Variants in GABRB2 observed in about 807,000 individuals in gnomAD.
The protein encoded by GABRB2 is gamma-aminobutyric acid receptor subunit beta-2.
In GABRB2, 16 loss-of-function variants were observed where a neutral mutation model predicts 54.7. That is an observed-to-expected ratio of 0.29 (90% CI 0.20 to 0.44). The LOEUF is 0.44. GABRB2 is among the 20% of genes least tolerant of loss of function. The pLI, the probability that GABRB2 is intolerant of heterozygous loss-of-function variation, is 1.00. For synonymous variants in GABRB2, 244 were observed against 233.8 expected, an observed-to-expected ratio of 1.04 and a Z score of -0.40; for missense variants, 355 against 644.0, an observed-to-expected ratio of 0.55 and a Z score of 4.86.
chr5:161,429,229 C>T (rs1327790726), intron 4 of GABRB2, among the ~76,000 whole-genome samples: 1 of 150,600 alleles, frequency 6.6e-6, no homozygotes, highest in Non-Finnish European at 1.5e-5. Context: ...CACCTGTAAT[C>T]CCATCTACTT....
At chr5:161,524,065 T>C (rs182863250) in intron 3 of GABRB2, among the ~76,000 whole-genome samples, 2 of 151,532 alleles carry the variant, frequency 1.3e-5, no homozygotes, top group Admixed American at 6.6e-5. Context: ...TTGGTTAGAA[T>C]AGTCAGAAAA....
In GABRB2 at chr5:161,371,246, C is replaced by T. The variant is rs117647717; in HGVS notation, c.542-34477G>A. The stretch of plus-strand genomic sequence containing the variant: ...TCTTGAAAATATACTTTTAGAAAGA[C>T]CTCAAAGTTAAAAGACAGGAAAAAT... On this transcript the variant is annotated intron_variant, in intron 5 of 9. Transcript: ENST00000393959. Among the ~76,000 whole-genome samples the T allele has an allele frequency of 4.4e-4, 66 of 148,556 alleles. No homozygotes were observed. In the East Asian group the frequency reaches 7.9e-3, roughly 18 times the overall value.
chr5:161,512,850 T>A (rs1376627727), intron 3 of GABRB2, among the ~76,000 whole-genome samples: 1 of 151,728 alleles, frequency 6.6e-6, no homozygotes, highest in Admixed American at 6.6e-5. Context: ...TACAAGGAAT[T>A]CATATGATTA....
intron 4 of GABRB2, among the ~76,000 whole-genome samples, chr5:161,435,475 G>A (rs1305041321): frequency 1.3e-5 from 2 of 152,114 alleles, no homozygotes; most frequent in East Asian, 1.9e-4. Flanking sequence ...TGTTAGTGAT[G>A]AGTATTTCTA....
At chr5:161,497,398 G>C (rs969551429) in intron 3 of GABRB2, among the ~76,000 whole-genome samples, 1 of 152,036 alleles carries the variant, frequency 6.6e-6, no homozygotes, top group African/African-American at 2.4e-5. Flanking sequence ...TATGGCATGA[G>C]GATTGCTAAA....
rs112752872 is a variant in GABRB2 at position 161,377,962 on chromosome 5, A to G, written c.541+33013T>C. 7.8e-3 allele frequency among the ~76,000 whole-genome samples: 1,185 copies of G among 152,214 alleles called. 21 individuals are homozygous for G. Among genetic ancestry groups the G allele is most frequent in the South Asian group, 0.052 (250 of 4,830 alleles). ...ACATACATATTTAATACAAATACATAATTTGTCTAAATGTATTATTAAAAT... is the reference window on the plus strand; with the variant it reads ...ACATACATATTTAATACAAATACATGATTTGTCTAAATGTATTATTAAAAT... On this transcript the variant is annotated intron_variant, in intron 5 of 9. Coordinates refer to ENST00000393959, the MANE Select transcript of GABRB2 (RefSeq NM_001371727.1).
chr5:161,352,329 A>T (rs991152325), intron 5 of GABRB2, among the ~76,000 whole-genome samples: 3 of 152,092 alleles, frequency 2.0e-5, no homozygotes, highest in Non-Finnish European at 2.9e-5. Context: ...AAGTGGATAA[A>T]GAAAATTTGG....
At chr5:161,498,849 C>T (rs1354591354) in intron 3 of GABRB2, among the ~76,000 whole-genome samples, 1 of 152,174 alleles carries the variant, frequency 6.6e-6, no homozygotes, top group African/African-American at 2.4e-5. Context: ...TTCCTTGCTT[C>T]TTGCTCTCCC....
intron 9 of GABRB2, among the ~76,000 whole-genome samples, chr5:161,320,432 A>G (rs1280528863): frequency 7.9e-5 from 12 of 151,800 alleles, no homozygotes. Flanking sequence ...ATACCACTTA[A>G]TGTTTCTGTC....
chr5:161,544,544 C>T (rs111417778), intron 3 of GABRB2, among the ~76,000 whole-genome samples: 2,902 of 152,242 alleles, frequency 0.019, 92 homozygotes, highest in African/African-American at 0.065. Context: ...GCCCCAAGTC[C>T]ACGGAGGCAG....
At chr5:161,526,268 G>T (rs566193171) in intron 3 of GABRB2, among the ~76,000 whole-genome samples, 15 of 151,486 alleles carry the variant, frequency 9.9e-5, no homozygotes, top group Admixed American at 7.3e-4. Context: ...CAAACCAATT[G>T]TGAACTTAGA....
intron 4 of GABRB2, chr5:161,459,125 T>C (rs1453503568): frequency 6.1e-6 from 1 of 164,494 alleles, no homozygotes; most frequent in Non-Finnish European, 1.3e-5. Flanking sequence ...TATTTGAGTA[T>C]ACATTTCCCA....
intron 3 of GABRB2, among the ~76,000 whole-genome samples, chr5:161,468,177 T>A (rs1758331955): frequency 6.6e-6 from 1 of 152,064 alleles, no homozygotes. Context: ...GTAGCAGAAA[T>A]GTAAAGCAAA....
chr5:161,495,501 A>G (rs777155161), intron 3 of GABRB2, among the ~76,000 whole-genome samples: 12 of 151,998 alleles, frequency 7.9e-5, no homozygotes, highest in Non-Finnish European at 1.8e-4. Context: ...TTTTTCTAAT[A>G]AAGAAATTTG....
intron 3 of GABRB2, among the ~76,000 whole-genome samples, chr5:161,536,301 G>A (rs1024837268): frequency 3.3e-5 from 5 of 152,100 alleles, no homozygotes; most frequent in African/African-American, 1.2e-4. Context: ...AACCGAAGGA[G>A]GAAAAGAGGA....
chr5:161,314,983 G>T lies in GABRB2; in HGVS notation c.1191+11385C>A, dbSNP rs368888325. On this transcript the variant is annotated intron_variant, in intron 9 of 9. Coordinates refer to ENST00000393959, the MANE Select transcript of GABRB2 (RefSeq NM_001371727.1). ...AACTATGGCACATTTTTCCTTAAAG[G>T]CTATGTTAATAATCCACTAGAGGTG... Among the ~76,000 whole-genome samples, 10 of 152,056 alleles carry T rather than the reference G, an allele frequency of 6.6e-5. No homozygotes were observed. The East Asian group carries it at 1.7e-3, about 26-fold the overall frequency.
intron 9 of GABRB2, among the ~76,000 whole-genome samples, chr5:161,325,024 T>C (rs936999695): frequency 4.6e-5 from 7 of 152,068 alleles, no homozygotes; most frequent in African/African-American, 1.7e-4. Context: ...ATCCTGAATT[T>C]TCATGTGGTT....
intron 4 of GABRB2, among the ~76,000 whole-genome samples, chr5:161,420,519 A>C (rs1440617607): frequency 6.6e-6 from 1 of 152,158 alleles, no homozygotes; most frequent in Admixed American, 6.5e-5. Flanking sequence ...GTAGAGCAGG[A>C]GTCTGGGCTT....
intron 3 of GABRB2, among the ~76,000 whole-genome samples, chr5:161,480,581 A>T (rs889666947): frequency 3.3e-5 from 5 of 152,060 alleles, no homozygotes; most frequent in African/African-American, 1.2e-4. Flanking sequence ...AGTGTTTGGC[A>T]TTGGTGGTAA....
Sources: allele counts gnomAD v4.1 joint callset (sites outside exome capture counted in the v4.1 genomes callset), GRCh38; gene constraint gnomAD v4.1.1; transcripts MANE v1.5; gene names NCBI Gene and HGNC (gene_info 2026-07-23, HGNC 2026-07-21).